The following MFSD12 variants were observed in gnomAD, a reference collection of about 807,000 sequenced individuals.
The protein encoded by MFSD12 is major facilitator superfamily domain containing 12.
A neutral mutation model predicts 51.2 loss-of-function variants in MFSD12; 67 were observed. The ratio of observed to expected loss-of-function variants is 1.31; its 90% CI spans 1.08 to 1.60. The LOEUF is 1.60. Among genes scored for constraint, MFSD12 ranks in the 40% most tolerant of loss-of-function variants. The probability of loss-of-function intolerance (pLI) is 0.00; values close to 1 mark genes in which losing one functional copy is unlikely to be tolerated. For missense variants in MFSD12, 921 were observed against 673.0 expected (o/e 1.37, Z -4.08); for synonymous variants, 441 against 316.7 (o/e 1.39, Z -4.17).
At chr19:3,547,825 GC>G in intron 4 of MFSD12, 22 bp downstream of exon 4, 1 of 1,471,910 alleles carries the variant, frequency 6.8e-7, no homozygotes, top group Non-Finnish European at 9.0e-7. Context: ...GCCCACGCCA[GC>G]CCCACCGTCC....
chr19:3,553,463 A>G lies in MFSD12; in HGVS notation c.299-2269T>C, dbSNP rs2031575075. ...GCTCCAGCCTGGGCGACAGAGCGAGACCCTGTCAAGAAAAAAAAAAAAAGG... is the reference window on the plus strand; with the variant it reads ...GCTCCAGCCTGGGCGACAGAGCGAGGCCCTGTCAAGAAAAAAAAAAAAAGG... On this transcript the variant is annotated intron_variant, in intron 1 of 9. Transcript: ENST00000355415. Among the ~76,000 whole-genome samples the G allele has an allele frequency of 9.2e-5, 9 of 98,230 alleles. No homozygotes were observed. The South Asian group carries it at 3.7e-3, about 40-fold the overall frequency. The allele number at this position is 98,230 out of a possible 152,430, so 64.4% of individuals were successfully genotyped here. A position where few individuals can be genotyped will look rare whatever the true frequency, so the allele number is the denominator to read the frequency against.
Position 3,547,221 on chromosome 19 carries a change from G to A in MFSD12, c.1023+51C>T, listed in dbSNP as rs771853223. ...ACCCGGAGCGGGTGGGATCTCGGCT[G>A]CAGGGCACCCCATCCTCCGCCCCAG... is the stretch of plus-strand genomic sequence containing the variant. On this transcript the variant is annotated intron_variant, in intron 6 of 9. Coordinates refer to ENST00000355415, the MANE Select transcript of MFSD12 (RefSeq NM_174983.5). The A allele has an allele frequency of 1.9e-5, 28 of 1,511,774 alleles. No individual in the cohort carries two copies. The Admixed American group carries it at 4.0e-4, about 22-fold the overall frequency. 93.6% of individuals were successfully genotyped at this position (1,511,774 alleles called of 1,614,324 possible).
chr19:3,547,128 G>C, intron 6 of MFSD12, 144 bp downstream of exon 6: 1 of 726,216 alleles, frequency 1.4e-6, no homozygotes, highest in South Asian at 1.6e-5. Context: ...GTGAGCCACC[G>C]TGCCCGGCCT....
intron 1 of MFSD12, among the ~76,000 whole-genome samples, chr19:3,552,084 C>T (rs996387065): frequency 6.6e-6 from 1 of 152,180 alleles, no homozygotes; most frequent in African/African-American, 2.4e-5. Context: ...CTCTGTCTGC[C>T]GGCTTCCTGC....
downstream of MFSD12, chr19:3,542,678 T>C: frequency 8.3e-7 from 1 of 1,200,756 alleles, no homozygotes; most frequent in Non-Finnish European, 1.1e-6. Flanking sequence ...AGATGGGGTT[T>C]TACCATGCTG....
rs756157151 is a variant in MFSD12, at chr19:3,547,328, T to C, written c.967A>G (p.Ser323Gly). 6 of 1,613,228 alleles carry C rather than the reference T, an allele frequency of 3.7e-6. No individual in the cohort carries two copies. The South Asian group carries it at 6.6e-5, about 18-fold the overall frequency. The change falls in exon 6 of 10, where the codon AGC (serine) becomes GGC (glycine). Residue 323 changes from serine (S) to glycine (G), a missense_variant. By Grantham distance (56) the Ser-to-Gly change is moderately conservative. Transcript: ENST00000355415. ...ATGAGGAAGGAGGACAAGAAGCCGC[T>C]GAGGTACATCACCAGGGGAATGGTC... Reference protein sequence around the residue: ...IATIPLVMYLSGFLSSFLMKP... With the variant: ...IATIPLVMYLGGFLSSFLMKP...
At chr19:3,539,538 C>T (rs1226571126), downstream of MFSD12, 3 of 475,812 alleles carry the variant, frequency 6.3e-6, no homozygotes, top group East Asian at 3.2e-5. Context: ...CAGAAATGTT[C>T]GCCCTCTGAA....
rs1489194750 is a variant in MFSD12 at position 3,557,392 on chromosome 19, T to A, written c.12A>T (p.Gly4=). ...ACGGCGCCGCTCCGGCCGCTGGGGGTCCCGGGCCCATCGCGGCGCCGGGCC... is the reference window on the plus strand; with the variant it reads ...ACGGCGCCGCTCCGGCCGCTGGGGGACCCGGGCCCATCGCGGCGCCGGGCC... The part of the protein sequence containing the change: MGP[G]PPAAGAAPSP... Residue 4 remains glycine (G), a synonymous_variant, in exon 1 of 10, where the codon GGA becomes GGT. Transcript: ENST00000355415. 8.0e-7 allele frequency: 1 copy of A among 1,246,920 alleles called. No homozygotes were observed. Among genetic ancestry groups the A allele is most frequent in the African/African-American group, 1.6e-5 (1 of 62,386 alleles). The allele number at this position is 1,246,920 out of a possible 1,614,324, so 77.2% of individuals were successfully genotyped here.
intron 6 of MFSD12, 105 bp downstream of exon 6, chr19:3,547,167 T>G (rs924106386): frequency 9.8e-7 from 1 of 1,018,170 alleles, no homozygotes; most frequent in Non-Finnish European, 1.5e-6. Flanking sequence ...AGGCGGGAAC[T>G]CGGAGGCCTG....
rs1237501152 is a variant in MFSD12 at position 3,557,434 on chromosome 19, G to A, written c.-31C>T. The A allele has an allele frequency of 5.1e-6, 6 of 1,167,084 alleles. No homozygotes were observed. The highest frequency in any genetic ancestry group is 1.7e-5 in the African/African-American group (1 of 60,446). The allele number at this position is 1,167,084 out of a possible 1,614,324, so 72.3% of individuals were successfully genotyped here. A position where few individuals can be genotyped will look rare whatever the true frequency, so the allele number is the denominator to read the frequency against. ...CGCCGGGCCCGCGCCCCCCACCCCC[G>A]GGCTCCGCGGAGGGTACCCTGGCCA... is the stretch of plus-strand genomic sequence containing the variant. On this transcript the variant is annotated 5_prime_UTR_variant, in exon 1 of 10. Transcript: ENST00000355415.
intron 8 of MFSD12, among the ~76,000 whole-genome samples, chr19:3,545,315 G>C (rs1252169394): frequency 6.6e-6 from 1 of 152,196 alleles, no homozygotes; most frequent in Non-Finnish European, 1.5e-5. Context: ...TCTGCCCACA[G>C]CTCTCTGTGA....
At position 3,544,375 on chromosome 19, in the gene MFSD12, G is replaced by C; in HGVS notation, c.*335C>G. ...GAGACCCCCAGGCTGGAGGTGAGGG[G>C]TGAACTGGACTGAGCTCAGGGTTAG... On this transcript the variant is annotated 3_prime_UTR_variant, in exon 10 of 10. Transcript: ENST00000355415. 1 of 1,284,612 alleles carries C rather than the reference G, an allele frequency of 7.8e-7. No individual in the cohort carries two copies. The highest frequency in any genetic ancestry group is 9.8e-7 in the Non-Finnish European group (1 of 1,016,010). 79.6% of individuals were successfully genotyped at this position (1,284,612 alleles called of 1,614,324 possible).
downstream of MFSD12, among the ~76,000 whole-genome samples, chr19:3,541,426 G>C (rs181482530): frequency 4.0e-5 from 6 of 149,408 alleles, no homozygotes; most frequent in African/African-American, 1.5e-4. Context: ...GGGTTCTAGC[G>C]ATTCTCCTGC....
Position 3,545,924 on chromosome 19 carries a change from G to A in MFSD12, c.1289+150C>T, listed in dbSNP as rs1599824131. On this transcript the variant is annotated intron_variant, in intron 8 of 9. Transcript: ENST00000355415. The stretch of plus-strand genomic sequence containing the variant: ...AAACGAAGTGCTCAGTGGAAGAAAG[G>A]AAAGGTCTCCCCTGCCTATGACTCC... 5.3e-6 allele frequency: 4 copies of A among 754,192 alleles called. No individual in the cohort carries two copies. The East Asian group carries it at 7.7e-5, about 15-fold the overall frequency. The allele number at this position is 754,192 out of a possible 1,614,324, so 46.7% of individuals were successfully genotyped here. A position where few individuals can be genotyped will look rare whatever the true frequency, so the allele number is the denominator to read the frequency against.
chr19:3,557,153 G>A lies in MFSD12; in HGVS notation c.251C>T (p.Ala84Val), dbSNP rs1222752894. The change falls in exon 1 of 10, where the codon GCC becomes GTC. Residue 84 changes from alanine to valine, a missense_variant. Physicochemically the swap from Ala to Val is moderately conservative, Grantham distance 64 (BLOSUM62 0). Coordinates refer to ENST00000355415, the MANE Select transcript of MFSD12 (RefSeq NM_174983.5). Reference protein sequence around the residue: ...PLVGYEADRAASCCARYGPRK... With the variant: ...PLVGYEADRAVSCCARYGPRK... Reference sequence around the variant, plus strand: ...CGGGCCGTAGCGGGCGCAGCAGCTGGCGGCGCGGTCGGCCTCGTAGCCCAC... The same window carrying A: ...CGGGCCGTAGCGGGCGCAGCAGCTGACGGCGCGGTCGGCCTCGTAGCCCAC... 3 of 1,519,226 alleles carry A rather than the reference G, an allele frequency of 2.0e-6. No homozygotes were observed. The highest frequency in any genetic ancestry group is 2.6e-6 in the Non-Finnish European group (3 of 1,135,606). 94.1% of individuals were successfully genotyped at this position (1,519,226 alleles called of 1,614,324 possible).
At chr19:3,555,418 G>A (rs1055574161) in intron 1 of MFSD12, among the ~76,000 whole-genome samples, 2 of 152,000 alleles carry the variant, frequency 1.3e-5, no homozygotes, top group South Asian at 2.1e-4. Context: ...ATTATCTTAC[G>A]CGACTGTCAA....
chr19:3,544,325 C>G lies in MFSD12; in HGVS notation c.*385G>C, dbSNP rs1192602262. 3.9e-6 allele frequency: 5 copies of G among 1,273,210 alleles called. No homozygotes were observed. The African/African-American group carries it at 7.6e-5, about 19-fold the overall frequency. 78.9% of individuals were successfully genotyped at this position (1,273,210 alleles called of 1,614,324 possible). A position where few individuals can be genotyped will look rare whatever the true frequency, so the allele number is the denominator to read the frequency against. ...GCTGTCTCCTCCAGGCTCCAGCCGT[C>G]CTGAGGGGGCCCTGGCAGTGTCTGG... On this transcript the variant is annotated 3_prime_UTR_variant, in exon 10 of 10. Coordinates refer to ENST00000355415, the MANE Select transcript of MFSD12 (RefSeq NM_174983.5).
At chr19:3,549,183 C>T (rs1180783427) in intron 2 of MFSD12, among the ~76,000 whole-genome samples, 1 of 152,184 alleles carries the variant, frequency 6.6e-6, no homozygotes, top group Non-Finnish European at 1.5e-5. Context: ...GAACCTCTTC[C>T]AGCGCCTCTA....
At chr19:3,543,145 T>A, downstream of MFSD12, 1 of 1,513,026 alleles carries the variant, frequency 6.6e-7, no homozygotes, top group Non-Finnish European at 8.8e-7. Flanking sequence ...GGGCCAGGCC[T>A]CTACATCATC....
Sources: gnomAD v4.1 joint callset for allele counts (sites outside exome capture counted in the v4.1 genomes callset) on GRCh38, gnomAD v4.1.1 for gene constraint, MANE v1.5 for transcripts, NCBI Gene and HGNC (gene_info 2026-07-23, HGNC 2026-07-21) for gene names.